Variants in SLC39A3 observed in about 807,000 individuals in gnomAD.
SLC39A3 encodes the protein solute carrier family 39 member 3.
A neutral mutation model predicts 5.1 loss-of-function variants in SLC39A3; 3 were observed. The observed-to-expected ratio is 0.59, with a 90% confidence interval of 0.27 to 1.54. The LOEUF is 1.54. Among genes scored for constraint, SLC39A3 ranks in the 40% most tolerant of loss-of-function variants. The probability of loss-of-function intolerance (pLI) is 0.12; values close to 1 mark genes in which losing one functional copy is unlikely to be tolerated. For missense variants in SLC39A3, 412 were observed against 436.4 expected, an observed-to-expected ratio of 0.94 and a Z score of 0.50; for synonymous variants, 250 against 218.8, an observed-to-expected ratio of 1.14 and a Z score of -1.26.
At chr19:2,736,508 A>C in intron 2 of SLC39A3, 1 of 191,218 alleles carries the variant, frequency 5.2e-6, no homozygotes, top group Non-Finnish European at 1.0e-5. Flanking sequence ...TGAGGAACTG[A>C]ACCTGGCTTA....
intron 1 of SLC39A3, chr19:2,737,775 C>T (rs1017368638): frequency 6.2e-6 from 1 of 161,620 alleles, no homozygotes; most frequent in South Asian, 1.6e-4. Flanking sequence ...TATTGTGAGA[C>T]CCTGTAATCG....
In SLC39A3 at chr19:2,733,978, T is replaced by C. The variant is rs1914277109; in HGVS notation, c.211-493A>G. 6.6e-6 allele frequency among the ~76,000 whole-genome samples: 1 copy of C among 152,312 alleles called. No individual in the cohort carries two copies. Among genetic ancestry groups the C allele is most frequent in the Admixed American group, 6.5e-5 (1 of 15,298 alleles). On this transcript the variant is annotated intron_variant, in intron 2 of 2. Coordinates refer to ENST00000269740, the MANE Select transcript of SLC39A3 (RefSeq NM_144564.5). The surrounding 1 kb of genome is among the most constrained non-coding windows in gnomAD (Gnocchi z 6.1). ...TAAAGAGCTGCACTGGCCTTGCGTGTTCTGCCGCGGGGCCTCCTCTCTGCT... is the reference window on the plus strand; with the variant it reads ...TAAAGAGCTGCACTGGCCTTGCGTGCTCTGCCGCGGGGCCTCCTCTCTGCT...
rs143950470 is a variant in SLC39A3 at position 2,732,665 on chromosome 19, TGGGGGACGCGCGGCC to T, written c.*71_*85del. The T allele has an allele frequency of 4.3e-3, 6,206 of 1,432,308 alleles. 227 individuals carry two copies. In the African/African-American group the frequency reaches 0.08, roughly 19 times the overall value. The allele number at this position is 1,432,308 out of a possible 1,614,324, so 88.7% of individuals were successfully genotyped here. The stretch of plus-strand genomic sequence containing the variant: ...GGCCCAGGGCCACAGTGCTCGCTCT[TGGGGGACGCGCGGCC>T]GGGGGACGCGGCCTGTGTCCGGCCC... On this transcript the variant is annotated 3_prime_UTR_variant, in exon 3 of 3. Coordinates refer to ENST00000269740, the MANE Select transcript of SLC39A3 (RefSeq NM_144564.5).
chr19:2,735,785 C>T lies in SLC39A3; in HGVS notation c.210+1263G>A. 1.0e-6 allele frequency: 1 copy of T among 964,460 alleles called. No homozygotes were observed. The highest frequency in any genetic ancestry group is 1.2e-6 in the Non-Finnish European group (1 of 810,926). The allele number at this position is 964,460 out of a possible 1,614,324, so 59.7% of individuals were successfully genotyped here. A position where few individuals can be genotyped will look rare whatever the true frequency, so the allele number is the denominator to read the frequency against. On this transcript the variant is annotated intron_variant, in intron 2 of 2. Coordinates refer to ENST00000269740, the MANE Select transcript of SLC39A3 (RefSeq NM_144564.5). The surrounding 1 kb of genome is among the most constrained non-coding windows in gnomAD (Gnocchi z 5.7). ...AGGGAAGAGCATGGGGCGTGCGGAG[C>T]AGGGGCTGGAAGCTCAGGGAGCCAC...
Position 2,735,979 on chromosome 19 carries a change from AT to A in SLC39A3, c.210+1068del. On this transcript the variant is annotated intron_variant, in intron 2 of 2. Coordinates refer to ENST00000269740, the MANE Select transcript of SLC39A3 (RefSeq NM_144564.5). The surrounding 1 kb of genome is among the most constrained non-coding windows in gnomAD (Gnocchi z 5.7). ...GGGAGGAAGAACAGGGGGTCCTCAT[AT>A]CTCCACCAAGTATGTAACCAACACA... The A allele has an allele frequency of 3.0e-6, 3 of 985,412 alleles. No individual in the cohort carries two copies. In the African/African-American group the frequency reaches 5.2e-5, roughly 17 times the overall value. The allele number at this position is 985,412 out of a possible 1,614,324, so 61.0% of individuals were successfully genotyped here.
Position 2,735,768 on chromosome 19 carries a change from G to T in SLC39A3, c.210+1280C>A. 1.1e-6 allele frequency: 1 copy of T among 892,446 alleles called. No homozygotes were observed. The highest frequency in any genetic ancestry group is 1.3e-6 in the Non-Finnish European group (1 of 745,516). The allele number at this position is 892,446 out of a possible 1,614,324, so 55.3% of individuals were successfully genotyped here. The stretch of plus-strand genomic sequence containing the variant: ...TACCCACACTCGAGGGGAGGGAAGA[G>T]CATGGGGCGTGCGGAGCAGGGGCTG... On this transcript the variant is annotated intron_variant, in intron 2 of 2. Coordinates refer to ENST00000269740, the MANE Select transcript of SLC39A3 (RefSeq NM_144564.5). The surrounding 1 kb of genome is among the most constrained non-coding windows in gnomAD (Gnocchi z 5.7).
At chr19:2,736,372 C>T (rs1169079684) in intron 2 of SLC39A3, 2 of 207,760 alleles carry the variant, frequency 9.6e-6, no homozygotes, top group Non-Finnish European at 1.7e-5. Flanking sequence ...TACACAGAGT[C>T]ATGGCCATCT....
rs111940360 is a variant in SLC39A3, at chr19:2,732,727, C to A, written c.*24G>T. 24 of 1,515,718 alleles carry A rather than the reference C, an allele frequency of 1.6e-5. No individual in the cohort carries two copies. Among genetic ancestry groups the A allele is most frequent in the Non-Finnish European group, 2.0e-5 (23 of 1,133,298 alleles). The allele number at this position is 1,515,718 out of a possible 1,614,324, so 93.9% of individuals were successfully genotyped here. A position where few individuals can be genotyped will look rare whatever the true frequency, so the allele number is the denominator to read the frequency against. The stretch of plus-strand genomic sequence containing the variant: ...GCCCGGGGCTCCCGGCGGGCTCCGG[C>A]GGCAGGGACAATGGCGAGGCCGCTC... On this transcript the variant is annotated 3_prime_UTR_variant, in exon 3 of 3. Coordinates refer to ENST00000269740, the MANE Select transcript of SLC39A3 (RefSeq NM_144564.5).
At position 2,733,919 on chromosome 19, in the gene SLC39A3, C is replaced by T. The variant is rs761936034; in HGVS notation, c.211-434G>A. 8.5e-5 allele frequency among the ~76,000 whole-genome samples: 13 copies of T among 152,188 alleles called. No individual in the cohort carries two copies. The highest frequency in any genetic ancestry group is 2.4e-4 in the African/African-American group (10 of 41,458). Reference sequence around the variant, plus strand: ...TCGTGCCACTGCACTCCAGCCTGGGCGACAGAGGGAGACTCCGGCTCAAAA... The same window carrying T: ...TCGTGCCACTGCACTCCAGCCTGGGTGACAGAGGGAGACTCCGGCTCAAAA... On this transcript the variant is annotated intron_variant, in intron 2 of 2. Transcript: ENST00000269740. This position sits in a 1 kb window ranked among gnomAD's most constrained non-coding sequence, Gnocchi z 6.1.
chr19:2,737,903 T>G (rs938758155), intron 1 of SLC39A3: 1 of 151,766 alleles, frequency 6.6e-6, no homozygotes, highest in African/African-American at 2.4e-5. Flanking sequence ...TTCATCAAAA[T>G]TAAAAAAAAT....
At chr19:2,736,106 G>A (rs1914358217) in intron 2 of SLC39A3, 2 of 985,468 alleles carry the variant, frequency 2.0e-6, no homozygotes, top group Non-Finnish European at 2.4e-6. Flanking sequence ...GGCCTGACAG[G>A]GGACCCACAC....
rs1259460645 is a variant in SLC39A3 at position 2,732,941 on chromosome 19, C to G, written c.755G>C (p.Ser252Thr). 1 of 1,608,262 alleles carries G rather than the reference C, an allele frequency of 6.2e-7. No individual in the cohort carries two copies. The highest frequency in any genetic ancestry group is 1.3e-5 in the African/African-American group (1 of 74,592). ...LGIGLGLGIE[S>T]AQGVPGSVAS... ...CACGCTGCCCGGCACGCCCTGGGCG[C>G]TCTCAATGCCCAGGCCCAGGCCGAT... is the stretch of plus-strand genomic sequence containing the variant. Residue 252 changes from serine (S) to threonine (T), a missense_variant, in exon 3 of 3, where the codon AGC becomes ACC. By Grantham distance (58) the Ser-to-Thr change is moderately conservative (BLOSUM62 1). Coordinates refer to ENST00000269740, the MANE Select transcript of SLC39A3 (RefSeq NM_144564.5).
chr19:2,735,284 C>T lies in SLC39A3; in HGVS notation c.210+1764G>A, dbSNP rs1450605975. On this transcript the variant is annotated intron_variant, in intron 2 of 2. Transcript: ENST00000269740. The surrounding 1 kb of genome is among the most constrained non-coding windows in gnomAD (Gnocchi z 5.7). ...ACGAACGAATGCAGACTCAGCCACG[C>T]GGAACAGCAGGAATGCGGTGTCTCG... 2.2e-6 allele frequency: 2 copies of T among 898,154 alleles called. No individual in the cohort carries two copies. Among genetic ancestry groups the T allele is most frequent in the South Asian group, 5.1e-5 (1 of 19,504 alleles). The allele number at this position is 898,154 out of a possible 1,614,324, so 55.6% of individuals were successfully genotyped here. A position where few individuals can be genotyped will look rare whatever the true frequency, so the allele number is the denominator to read the frequency against.
chr19:2,736,237 C>A (rs1914363677), intron 2 of SLC39A3: 2 of 977,196 alleles, frequency 2.0e-6, no homozygotes, highest in Non-Finnish European at 1.2e-6. Context: ...CAGCCATACC[C>A]TGTGAGGTCC....
In SLC39A3 at chr19:2,734,803, A is replaced by G. The variant is rs1914307842; in HGVS notation, c.211-1318T>C. On this transcript the variant is annotated intron_variant, in intron 2 of 2. Coordinates refer to ENST00000269740, the MANE Select transcript of SLC39A3 (RefSeq NM_144564.5). This position sits in a 1 kb window ranked among gnomAD's most constrained non-coding sequence, Gnocchi z 4.6. ...CACGGAGAAGCCACTTAACTCCCTC[A>G]CTGACCACCGGCTGGAGGCCTCATG... 1.0e-6 allele frequency: 1 copy of G among 985,228 alleles called. No individual in the cohort carries two copies. Among genetic ancestry groups the G allele is most frequent in the African/African-American group, 1.7e-5 (1 of 57,196 alleles). 61.0% of individuals were successfully genotyped at this position (985,228 alleles called of 1,614,324 possible). A position where few individuals can be genotyped will look rare whatever the true frequency, so the allele number is the denominator to read the frequency against.
rs187871485 is a variant in SLC39A3, at chr19:2,735,425, G to A, written c.210+1623C>T. 302 of 160,676 alleles carry A rather than the reference G, an allele frequency of 1.9e-3. 2 individuals are homozygous for A. Among genetic ancestry groups the A allele is most frequent in the African/African-American group, 6.9e-3 (287 of 41,702 alleles). The allele number at this position is 160,676 out of a possible 1,614,324, so 10.0% of individuals were successfully genotyped here. On this transcript the variant is annotated intron_variant, in intron 2 of 2. Coordinates refer to ENST00000269740, the MANE Select transcript of SLC39A3 (RefSeq NM_144564.5). This position sits in a 1 kb window ranked among gnomAD's most constrained non-coding sequence, Gnocchi z 5.7. ...CCCAGGGTCCTCTTCCAAGCTCACT[G>A]GAGGTCGGAAGAGTCCACCTCCTGG... is the stretch of plus-strand genomic sequence containing the variant.
In SLC39A3 at chr19:2,735,322, G is replaced by A; in HGVS notation, c.210+1726C>T. 3.3e-6 allele frequency: 2 copies of A among 611,720 alleles called. No homozygotes were observed. Among genetic ancestry groups the A allele is most frequent in the Non-Finnish European group, 2.0e-6 (1 of 488,530 alleles). 37.9% of individuals were successfully genotyped at this position (611,720 alleles called of 1,614,324 possible). ...ATGCGGTGTCTCGGCTCTGAACGGT[G>A]GAAATCCAGGTGCGGGCTAGCTGGG... On this transcript the variant is annotated intron_variant, in intron 2 of 2. Transcript: ENST00000269740. The surrounding 1 kb of genome is among the most constrained non-coding windows in gnomAD (Gnocchi z 5.7).
rs182748242 is a variant in SLC39A3 at position 2,735,144 on chromosome 19, C to T, written c.211-1659G>A. ...CAGTCAGAGGGTGACGGGGGTGACA[C>T]CATGACCATGGGGGAAAAGGGGGGC... On this transcript the variant is annotated intron_variant, in intron 2 of 2. Transcript: ENST00000269740. The surrounding 1 kb of genome is among the most constrained non-coding windows in gnomAD (Gnocchi z 5.7). The T allele has an allele frequency of 1.6e-3, 1,576 of 985,362 alleles. 38 individuals are homozygous for T. In the Admixed American group the frequency reaches 0.059, roughly 37 times the overall value. The allele number at this position is 985,362 out of a possible 1,614,324, so 61.0% of individuals were successfully genotyped here.
chr19:2,735,173 C>G lies in SLC39A3; in HGVS notation c.211-1688G>C. Reference sequence around the variant, plus strand: ...GACCATGGGGGAAAAGGGGGGCTGGCAGTGGCCTCTGCGATGCAGGAGATG... The same window carrying G: ...GACCATGGGGGAAAAGGGGGGCTGGGAGTGGCCTCTGCGATGCAGGAGATG... On this transcript the variant is annotated intron_variant, in intron 2 of 2. Transcript: ENST00000269740. The surrounding 1 kb of genome is among the most constrained non-coding windows in gnomAD (Gnocchi z 5.7). 1 of 985,500 alleles carries G rather than the reference C, an allele frequency of 1.0e-6. No homozygotes were observed. The highest frequency in any genetic ancestry group is 1.2e-6 in the Non-Finnish European group (1 of 829,988). The allele number at this position is 985,500 out of a possible 1,614,324, so 61.0% of individuals were successfully genotyped here.
Sources: allele counts gnomAD v4.1 joint callset (sites outside exome capture counted in the v4.1 genomes callset), GRCh38; gene constraint gnomAD v4.1.1; non-coding constraint Gnocchi (gnomAD v3.1); transcripts MANE v1.5; gene names NCBI Gene and HGNC (gene_info 2026-07-23, HGNC 2026-07-21).